BMERB1: variants seen among roughly 807,000 people sequenced by gnomAD.
BMERB1 encodes the protein bMERB domain containing 1.
A neutral mutation model predicts 23.6 loss-of-function variants in BMERB1; 12 were observed. The observed-to-expected ratio is 0.51, with a 90% CI of 0.33 to 0.82. The LOEUF is 0.82. Ranked by LOEUF, BMERB1 falls within the 40% of genes least tolerant of loss-of-function variation. BMERB1 has a pLI of 0.03. For missense variants in BMERB1, 247 were observed against 255.4 expected (o/e 0.97, Z 0.22); for synonymous variants, 122 against 96.6 (o/e 1.26, Z -1.54).
At chr16:15,448,784 T>C (rs555962018) in intron 1 of BMERB1, among the ~76,000 whole-genome samples, 1 of 152,254 alleles carries the variant, frequency 6.6e-6, no homozygotes, top group South Asian at 2.1e-4. Flanking sequence ...AGAGCAAGAA[T>C]CTGTCTCAAA....
At chr16:15,567,521 G>T (rs572922798) in intron 2 of BMERB1, among the ~76,000 whole-genome samples, 1 of 152,312 alleles carries the variant, frequency 6.6e-6, no homozygotes, top group Admixed American at 6.5e-5. Context: ...GCTGAGGTGT[G>T]CAGATCACTT....
chr16:15,458,740 A>G (rs961270328), intron 1 of BMERB1, among the ~76,000 whole-genome samples: 1 of 151,438 alleles, frequency 6.6e-6, no homozygotes. Flanking sequence ...AAAAAGTAGA[A>G]GTTTATGAGA....
intron 2 of BMERB1, among the ~76,000 whole-genome samples, chr16:15,518,889 T>G (rs1012330556): frequency 1.3e-5 from 2 of 151,876 alleles, no homozygotes; most frequent in Admixed American, 1.3e-4. Context: ...AAGGAAGCTT[T>G]GAGTATAAAC....
intron 1 of BMERB1, among the ~76,000 whole-genome samples, chr16:15,506,495 A>C (rs1466331183): frequency 6.6e-6 from 1 of 152,090 alleles, no homozygotes; most frequent in African/African-American, 2.4e-5. Flanking sequence ...AAAATTTTAG[A>C]AAGTTACATT....
At chr16:15,554,510 T>C (rs1184615582) in intron 2 of BMERB1, among the ~76,000 whole-genome samples, 1 of 151,976 alleles carries the variant, frequency 6.6e-6, no homozygotes, top group Non-Finnish European at 1.5e-5. Flanking sequence ...ATTTTTTAAA[T>C]AGACCAAGCT....
intron 1 of BMERB1, among the ~76,000 whole-genome samples, chr16:15,492,602 G>GGGAT (rs1396599218): frequency 6.6e-6 from 1 of 152,150 alleles, no homozygotes; most frequent in African/African-American, 2.4e-5. Flanking sequence ...TCATCTTGAT[G>GGGAT]GGATGTACCA....
At chr16:15,509,298 GT>G (rs1422209052) in intron 1 of BMERB1, among the ~76,000 whole-genome samples, 2 of 140,612 alleles carry the variant, frequency 1.4e-5, no homozygotes, top group Non-Finnish European at 3.0e-5. Context: ...GCTGGATTAC[GT>G]GGTTAAGGTC....
intron 2 of BMERB1, among the ~76,000 whole-genome samples, chr16:15,531,836 G>C (rs764123491): frequency 1.3e-5 from 2 of 152,140 alleles, no homozygotes; most frequent in Non-Finnish European, 2.9e-5. Context: ...AATTGAATAG[G>C]ATAATGCTTG....
chr16:15,526,506 A>C (rs2051906265), intron 2 of BMERB1, among the ~76,000 whole-genome samples: 1 of 152,044 alleles, frequency 6.6e-6, no homozygotes, highest in Non-Finnish European at 1.5e-5. Context: ...TCTACTAAAA[A>C]TACAAAAATT....
At chr16:15,503,452 T>C (rs1567471829) in intron 1 of BMERB1, among the ~76,000 whole-genome samples, 1 of 150,998 alleles carries the variant, frequency 6.6e-6, no homozygotes, top group Non-Finnish European at 1.5e-5. Flanking sequence ...CGGCTATTTT[T>C]TTTTTTTTTT....
intron 2 of BMERB1, among the ~76,000 whole-genome samples, chr16:15,559,507 G>A (rs1469620644): frequency 3.3e-5 from 5 of 152,170 alleles, no homozygotes; most frequent in African/African-American, 1.2e-4. Flanking sequence ...TAACCTCCAT[G>A]TACTCATCTG....
chr16:15,506,513 C>T (rs370310870), intron 1 of BMERB1, among the ~76,000 whole-genome samples: 9 of 152,224 alleles, frequency 5.9e-5, no homozygotes, highest in African/African-American at 1.9e-4. Flanking sequence ...ATTCATTTTA[C>T]CTGAGTTCCT....
At chr16:15,457,520 T>C (rs1184387101) in intron 1 of BMERB1, among the ~76,000 whole-genome samples, 9 of 152,176 alleles carry the variant, frequency 5.9e-5, no homozygotes, top group African/African-American at 1.9e-4. Context: ...CCATTGCCTT[T>C]GGGGTGAAGC....
chr16:15,463,893 T>G (rs2051158747), intron 1 of BMERB1, among the ~76,000 whole-genome samples: 1 of 148,584 alleles, frequency 6.7e-6, no homozygotes, highest in South Asian at 2.2e-4. Flanking sequence ...AAAAAAAAAC[T>G]TGAAGCATAA....
intron 1 of BMERB1, among the ~76,000 whole-genome samples, chr16:15,450,555 C>G (rs923715434): frequency 6.6e-6 from 1 of 152,178 alleles, no homozygotes; most frequent in Non-Finnish European, 1.5e-5. Flanking sequence ...ACTGCAGCCT[C>G]CACCTCCTGG....
At chr16:15,520,281 A>G (rs1245909446) in intron 2 of BMERB1, among the ~76,000 whole-genome samples, 2 of 151,752 alleles carry the variant, frequency 1.3e-5, no homozygotes, top group Non-Finnish European at 2.9e-5. Flanking sequence ...CAATGCCAGG[A>G]CCCCTTTTCT....
intron 1 of BMERB1, among the ~76,000 whole-genome samples, chr16:15,476,678 G>A (rs2051277610): frequency 6.6e-6 from 1 of 152,232 alleles, no homozygotes; most frequent in Non-Finnish European, 1.5e-5. Context: ...ATGGTGAGTA[G>A]CCTCACCTTG....
intron 1 of BMERB1, among the ~76,000 whole-genome samples, chr16:15,499,037 T>C (rs1195056347): frequency 6.6e-6 from 1 of 152,206 alleles, no homozygotes; most frequent in Non-Finnish European, 1.5e-5. Flanking sequence ...TTCCAGAGGA[T>C]TAGGCTGGAA....
chr16:15,550,661 G>T (rs564993525), intron 2 of BMERB1, among the ~76,000 whole-genome samples: 1 of 152,106 alleles, frequency 6.6e-6, no homozygotes, highest in Non-Finnish European at 1.5e-5. Flanking sequence ...GAAGGCTCCT[G>T]ACTGAAAGAA....
Sources: allele counts gnomAD v4.1 joint callset (sites outside exome capture counted in the v4.1 genomes callset), GRCh38; gene constraint gnomAD v4.1.1; transcripts MANE v1.5; gene names NCBI Gene and HGNC (gene_info 2026-07-23, HGNC 2026-07-21).